Variants in RPL14 observed in about 807,000 individuals in gnomAD.
The protein encoded by RPL14 is ribosomal protein L14.
In RPL14, 4 loss-of-function variants were observed where a neutral mutation model predicts 25.3. The observed-to-expected ratio is 0.16, with a 90% CI of 0.08 to 0.36. The LOEUF (loss-of-function observed/expected upper bound fraction) is 0.36. RPL14 is among the 10% of genes least tolerant of loss of function. The pLI is 1.00. For synonymous variants in RPL14, 75 were observed against 89.8 expected, an observed-to-expected ratio of 0.84 and a Z score of 0.93; for missense variants, 212 against 261.9, an observed-to-expected ratio of 0.81 and a Z score of 1.31.
rs897621513 is a variant in RPL14, at chr3:40,461,448, A to C, written c.242A>C (p.Asp81Ala). Residue 81 changes from aspartate to alanine, a missense_variant, in exon 4 of 6, where the codon GAC becomes GCC. Physicochemically the swap from Asp to Ala is moderately radical, Grantham distance 126 (BLOSUM62 -2). Coordinates refer to ENST00000396203, the MANE Select transcript of RPL14 (RefSeq NM_001034996.3). Reference protein sequence around the residue: ...KYVRQAWQKADINTKWAATRW... With the variant: ...KYVRQAWQKAAINTKWAATRW... ...GTCCGACAAGCCTGGCAGAAGGCAG[A>C]CATCAATACAAAATGGGCAGCCACA... is the stretch of plus-strand genomic sequence containing the variant. 3.1e-6 allele frequency: 5 copies of C among 1,614,216 alleles called. No homozygotes were observed. The African/African-American group carries it at 6.7e-5, about 22-fold the overall frequency.
intron 2 of RPL14, 31 bp downstream of exon 2, chr3:40,458,022 C>A: frequency 1.3e-6 from 2 of 1,569,732 alleles, no homozygotes; most frequent in South Asian, 1.1e-5. Context: ...CTAAACATGG[C>A]AGTGGACATG....
At chr3:40,460,267 C>A (rs1412653992) in intron 3 of RPL14, among the ~76,000 whole-genome samples, 1 of 152,078 alleles carries the variant, frequency 6.6e-6, no homozygotes, top group Middle Eastern at 3.4e-3. Context: ...GTGGCTCATA[C>A]CTGTAATCTC....
Position 40,462,134 on chromosome 3 carries a change from A to G in RPL14, c.550A>G (p.Thr184Ala). The G allele has an allele frequency of 1.9e-6, 3 of 1,612,456 alleles. No individual in the cohort carries two copies. The highest frequency in any genetic ancestry group is 2.5e-6 in the Non-Finnish European group (3 of 1,179,224). ...PAQKVPAQKATGQKAAPAPKA... is the reference protein window; with the variant it reads ...PAQKVPAQKAAGQKAAPAPKA... ...CCAGAAGGTTCCTGCCCAGAAAGCC[A>G]CAGGCCAGAAAGCAGCGCCTGCTCC... The change falls in exon 6 of 6, where the codon ACA (threonine) becomes GCA (alanine). Residue 184 changes from threonine (T) to alanine (A), a missense_variant. By Grantham distance (58) the Thr-to-Ala change is moderately conservative. Transcript: ENST00000396203.
chr3:40,461,403 C>A lies in RPL14; in HGVS notation c.201-4C>A. On this transcript the variant is annotated splice_region_variant and splice_polypyrimidine_tract_variant and intron_variant, in intron 3 of 5. Coordinates refer to ENST00000396203, the MANE Select transcript of RPL14 (RefSeq NM_001034996.3). ...TCTTAATCTGTGGTCTTGGCTCGTT[C>A]TAGTGCCCACCAGAAGTATGTCCGA... is the stretch of plus-strand genomic sequence containing the variant. The A allele has an allele frequency of 1.2e-6, 2 of 1,613,842 alleles. No homozygotes were observed. The highest frequency in any genetic ancestry group is 2.2e-5 in the South Asian group (2 of 91,066).
rs760148066 is a variant in RPL14 at position 40,457,453 on chromosome 3, A to G, written c.-19A>G. ...GAAGCTGAGGCGCCAAACGGCTCCCAGAGGGTCCCGGGAAGCGCATGGTGA... is the reference window on the plus strand; with the variant it reads ...GAAGCTGAGGCGCCAAACGGCTCCCGGAGGGTCCCGGGAAGCGCATGGTGA... On this transcript the variant is annotated 5_prime_UTR_variant, in exon 1 of 6. Transcript: ENST00000396203. 18 of 1,576,236 alleles carry G rather than the reference A, an allele frequency of 1.1e-5. No homozygotes were observed. The highest frequency in any genetic ancestry group is 1.5e-5 in the Non-Finnish European group (18 of 1,161,412).
chr3:40,460,331 C>CAGCCT, intron 3 of RPL14, among the ~76,000 whole-genome samples: 1 of 151,996 alleles, frequency 6.6e-6, no homozygotes, highest in South Asian at 2.1e-4. Context: ...AATTTGAGAC[C>CAGCCT]AGCCTAGCCA....
chr3:40,457,991 G>A lies in RPL14; in HGVS notation c.105G>A (p.Arg35=), dbSNP rs761774511. Residue 35 remains arginine (R), a splice_region_variant and synonymous_variant, in exon 2 of 6, where the codon AGG becomes AGA. Coordinates refer to ENST00000396203, the MANE Select transcript of RPL14 (RefSeq NM_001034996.3). ...VAIVDVIDQN[R]ALVDGPCTQV... ...TTGTAGATGTTATTGATCAGAACAGGGTAAGTGTCACAACTTTTTACTAAA... is the reference window on the plus strand; with the variant it reads ...TTGTAGATGTTATTGATCAGAACAGAGTAAGTGTCACAACTTTTTACTAAA... 3.7e-6 allele frequency: 6 copies of A among 1,613,742 alleles called. No individual in the cohort carries two copies. In the East Asian group the frequency reaches 6.7e-5, roughly 18 times the overall value.
rs758844878 is a variant in RPL14 at position 40,468,189 on chromosome 3, T to A, written c.*5957T>A. On this transcript the variant is annotated 3_prime_UTR_variant, in exon 6 of 6. Coordinates refer to ENST00000396203, the MANE Select transcript of RPL14 (RefSeq NM_001034996.3). ...TTCCGTGAATGTCCTTGTGTACACC[T>A]CCTTCTGTACACAATGATGTTTATC... is the stretch of plus-strand genomic sequence containing the variant. The A allele has an allele frequency of 1.8e-4, 27 of 152,216 alleles. No homozygotes were observed. The highest frequency in any genetic ancestry group is 3.4e-4 in the Non-Finnish European group (23 of 68,048). 9.4% of individuals were successfully genotyped at this position (152,216 alleles called of 1,614,324 possible). A position where few individuals can be genotyped will look rare whatever the true frequency, so the allele number is the denominator to read the frequency against.
rs1697032061 is a variant in RPL14 at position 40,466,676 on chromosome 3, A to C, written c.*4444A>C. ...ATTGTGGCAAGGATCAAATGAGTCAAATAAGATGCTTGTGAAAGTGAGGAC... is the reference window on the plus strand; with the variant it reads ...ATTGTGGCAAGGATCAAATGAGTCACATAAGATGCTTGTGAAAGTGAGGAC... On this transcript the variant is annotated 3_prime_UTR_variant, in exon 6 of 6. Coordinates refer to ENST00000396203, the MANE Select transcript of RPL14 (RefSeq NM_001034996.3). 1 of 152,228 alleles carries C rather than the reference A, an allele frequency of 6.6e-6. No homozygotes were observed. The allele number at this position is 152,228 out of a possible 1,614,324, so 9.4% of individuals were successfully genotyped here.
At chr3:40,460,877 T>C (rs1262650407) in intron 3 of RPL14, among the ~76,000 whole-genome samples, 1 of 150,548 alleles carries the variant, frequency 6.6e-6, no homozygotes, top group Non-Finnish European at 1.5e-5. Context: ...CCACTGCGCC[T>C]GGTCAAGAGG....
At chr3:40,457,545 C>G (rs1046945531) in intron 1 of RPL14, 71 bp downstream of exon 1, 1 of 1,297,594 alleles carries the variant, frequency 7.7e-7, no homozygotes, top group Non-Finnish European at 1.1e-6. Context: ...CCGGACTCGC[C>G]GCTGGCGAGC....
intron 1 of RPL14, 189 bp downstream of exon 1, chr3:40,457,663 G>T: frequency 1.5e-6 from 1 of 658,962 alleles, no homozygotes; most frequent in Non-Finnish European, 2.6e-6. Flanking sequence ...TTGTCCTGCC[G>T]TGTGGGCCTT....
In RPL14 at chr3:40,465,165, CAA is replaced by C. The variant is rs1367016415; in HGVS notation, c.*2934_*2935del. The C allele has an allele frequency of 6.6e-6, 1 of 151,820 alleles. No homozygotes were observed. Among genetic ancestry groups the C allele is most frequent in the Non-Finnish European group, 1.5e-5 (1 of 68,004 alleles). The allele number at this position is 151,820 out of a possible 1,614,324, so 9.4% of individuals were successfully genotyped here. Reference sequence around the variant, plus strand: ...TCCCCAGGGGTAGGATGACAACAATCAAGAGACGAATAGAGGTTGGAAAGGAG... The same window carrying C: ...TCCCCAGGGGTAGGATGACAACAATCGAGACGAATAGAGGTTGGAAAGGAG... On this transcript the variant is annotated 3_prime_UTR_variant, in exon 6 of 6. Coordinates refer to ENST00000396203, the MANE Select transcript of RPL14 (RefSeq NM_001034996.3).
Position 40,457,478 on chromosome 3 carries a change from A to C in RPL14, c.3+4A>C, listed in dbSNP as rs1696859423. Reference sequence around the variant, plus strand: ...AGAGGGTCCCGGGAAGCGCATGGTGAGGGTCCCCGGGCCGGCTGTGCAGCG... The same window carrying C: ...AGAGGGTCCCGGGAAGCGCATGGTGCGGGTCCCCGGGCCGGCTGTGCAGCG... On this transcript the variant is annotated splice_donor_region_variant and intron_variant, in intron 1 of 5. Coordinates refer to ENST00000396203, the MANE Select transcript of RPL14 (RefSeq NM_001034996.3). 6.4e-7 allele frequency: 1 copy of C among 1,555,462 alleles called. No homozygotes were observed. The highest frequency in any genetic ancestry group is 8.7e-7 in the Non-Finnish European group (1 of 1,148,198).
chr3:40,462,023 A>G lies in RPL14; in HGVS notation c.439A>G (p.Lys147Glu). The change falls in exon 6 of 6, where the codon AAG becomes GAG. Residue 147 changes from lysine (K) to glutamate (E), a missense_variant. Coordinates refer to ENST00000396203, the MANE Select transcript of RPL14 (RefSeq NM_001034996.3). ...KASPKKAPGTKGTAAAAAAAA... is the reference protein window; with the variant it reads ...KASPKKAPGTEGTAAAAAAAA... Reference sequence around the variant, plus strand: ...TTCTCCCAAAAAAGCACCTGGTACTAAGGGTACTGCTGCTGCTGCTGCTGC... The same window carrying G: ...TTCTCCCAAAAAAGCACCTGGTACTGAGGGTACTGCTGCTGCTGCTGCTGC... 1 of 530,910 alleles carries G rather than the reference A, an allele frequency of 1.9e-6. No individual in the cohort carries two copies. The allele number at this position is 530,910 out of a possible 1,614,324, so 32.9% of individuals were successfully genotyped here. A position where few individuals can be genotyped will look rare whatever the true frequency, so the allele number is the denominator to read the frequency against.
rs1471973218 is a variant in RPL14 at position 40,466,862 on chromosome 3, C to T, written c.*4630C>T. 1.3e-5 allele frequency: 2 copies of T among 152,134 alleles called. No homozygotes were observed. Among genetic ancestry groups the T allele is most frequent in the Non-Finnish European group, 2.9e-5 (2 of 68,034 alleles). The allele number at this position is 152,134 out of a possible 1,614,324, so 9.4% of individuals were successfully genotyped here. On this transcript the variant is annotated 3_prime_UTR_variant, in exon 6 of 6. Transcript: ENST00000396203. ...CTTATCTCTAAGTAATTGGCATGTC[C>T]TCTAATTCATATTTTCCCCCCTCAT...
rs929099541 is a variant in RPL14, at chr3:40,461,996, G to A, written c.412G>A (p.Ala138Thr). ...GCTTCAAAAGGCAGCTCTCCTGAAAGCTTCTCCCAAAAAAGCACCTGGTAC... is the reference window on the plus strand; with the variant it reads ...GCTTCAAAAGGCAGCTCTCCTGAAAACTTCTCCCAAAAAAGCACCTGGTAC... ...KKLQKAALLK[A>T]SPKKAPGTKG... is the part of the protein sequence containing the mutation. Residue 138 changes from alanine (A) to threonine (T), a missense_variant, in exon 6 of 6, where the codon GCT (alanine) becomes ACT (threonine). Coordinates refer to ENST00000396203, the MANE Select transcript of RPL14 (RefSeq NM_001034996.3). 1 of 1,605,424 alleles carries A rather than the reference G, an allele frequency of 6.2e-7. No homozygotes were observed. Among genetic ancestry groups the A allele is most frequent in the South Asian group, 1.1e-5 (1 of 90,394 alleles).
In RPL14 at chr3:40,457,422, C is replaced by T. The variant is rs1479492978; in HGVS notation, c.-50C>T. ...GACCATGCCGCTCGACCTCCACCTC[C>T]GCTGGGAAGCTGAGGCGCCAAACGG... On this transcript the variant is annotated 5_prime_UTR_variant, in exon 1 of 6. Coordinates refer to ENST00000396203, the MANE Select transcript of RPL14 (RefSeq NM_001034996.3). The T allele has an allele frequency of 1.9e-6, 3 of 1,589,598 alleles. No individual in the cohort carries two copies. The highest frequency in any genetic ancestry group is 2.7e-5 in the African/African-American group (2 of 73,084).
chr3:40,465,299 A>T lies in RPL14; in HGVS notation c.*3067A>T, dbSNP rs1697013250. 1 of 152,150 alleles carries T rather than the reference A, an allele frequency of 6.6e-6. No homozygotes were observed. Among genetic ancestry groups the T allele is most frequent in the Non-Finnish European group, 1.5e-5 (1 of 68,046 alleles). 9.4% of individuals were successfully genotyped at this position (152,150 alleles called of 1,614,324 possible). On this transcript the variant is annotated 3_prime_UTR_variant, in exon 6 of 6. Coordinates refer to ENST00000396203, the MANE Select transcript of RPL14 (RefSeq NM_001034996.3). Reference sequence around the variant, plus strand: ...GGGTAGTAAGCAAAGGAGAAATGTTATATGGGGTTCGGAGGTTTTGTGTTT... The same window carrying T: ...GGGTAGTAAGCAAAGGAGAAATGTTTTATGGGGTTCGGAGGTTTTGTGTTT...
Sources: gnomAD v4.1 joint callset for allele counts (sites outside exome capture counted in the v4.1 genomes callset) on GRCh38, gnomAD v4.1.1 for gene constraint, MANE v1.5 for transcripts, NCBI Gene and HGNC (gene_info 2026-07-23, HGNC 2026-07-21) for gene names.